Variants in DLGAP4 observed in about 807,000 individuals in gnomAD.
The protein encoded by DLGAP4 is DLG associated protein 4.
A neutral mutation model predicts 86.9 loss-of-function variants in DLGAP4; 18 were observed. That is an observed-to-expected ratio of 0.21 (90% CI 0.14 to 0.31). DLGAP4 has a LOEUF of 0.31. Ranked by LOEUF, DLGAP4 falls within the 10% of genes least tolerant of loss-of-function variation. The probability of loss-of-function intolerance (pLI) is 1.00; values close to 1 mark genes in which losing one functional copy is unlikely to be tolerated. For synonymous variants in DLGAP4, 548 were observed against 574.3 expected, an observed-to-expected ratio of 0.95 and a Z score of 0.65; for missense variants, 1,085 against 1,362.6, an observed-to-expected ratio of 0.80 and a Z score of 3.21.
intron 2 of DLGAP4, among the ~76,000 whole-genome samples, chr20:36,416,160 C>T (rs144911108): frequency 3.1e-3 from 474 of 152,232 alleles, no homozygotes; most frequent in Non-Finnish European, 5.1e-3. Context: ...CTTGCTTTGT[C>T]GCCCAGGCTG....
At chr20:36,515,616 T>C (rs767548404) in intron 10 of DLGAP4, among the ~76,000 whole-genome samples, 19 of 152,166 alleles carry the variant, frequency 1.2e-4, no homozygotes, top group Non-Finnish European at 2.2e-4. Flanking sequence ...ATAGAGATGG[T>C]CTCTCACTAT....
chr20:36,389,525 C>T (rs2031715454), intron 2 of DLGAP4, among the ~76,000 whole-genome samples: 1 of 152,178 alleles, frequency 6.6e-6, no homozygotes, highest in African/African-American at 2.4e-5. Context: ...GCACGCTAAG[C>T]ACTGTCTATA....
In DLGAP4 at chr20:36,496,696, C is replaced by T. The variant is rs1371034213; in HGVS notation, c.1649-9C>T. ...ACCTCTCCCCTGCCCTTCTCTCATC[C>T]ATCTGCAGGTTCATCATGCCTAGTG... On this transcript the variant is annotated splice_polypyrimidine_tract_variant and intron_variant, in intron 7 of 12. Transcript: ENST00000339266. The T allele has an allele frequency of 8.8e-6, 14 of 1,593,884 alleles. No individual in the cohort carries two copies. In the Admixed American group the frequency reaches 1.9e-4, roughly 21 times the overall value.
chr20:36,365,288 T>C (rs782341189), intron 1 of DLGAP4, among the ~76,000 whole-genome samples: 26 of 152,222 alleles, frequency 1.7e-4, no homozygotes, highest in Non-Finnish European at 3.4e-4. Context: ...CTGGGTGAAT[T>C]TGGCTAAAAG....
chr20:36,318,215 A>G (rs1214541918), intron 1 of DLGAP4, among the ~76,000 whole-genome samples: 2 of 151,906 alleles, frequency 1.3e-5, no homozygotes, highest in Non-Finnish European at 2.9e-5. Context: ...TGATCAGGTT[A>G]GGCAGAGTGA....
intron 2 of DLGAP4, among the ~76,000 whole-genome samples, chr20:36,420,612 C>T (rs546298921): frequency 2.0e-5 from 3 of 152,208 alleles, no homozygotes; most frequent in East Asian, 1.9e-4. Flanking sequence ...CTAAGGTGGG[C>T]GGATCACCTG....
Position 36,527,168 on chromosome 20 carries a change from C to T in DLGAP4, c.*137C>T, listed in dbSNP as rs551161193. The T allele has an allele frequency of 6.6e-6, 6 of 903,048 alleles. No homozygotes were observed. In the East Asian group the frequency reaches 1.4e-4, roughly 21 times the overall value. The allele number at this position is 903,048 out of a possible 1,614,324, so 55.9% of individuals were successfully genotyped here. A position where few individuals can be genotyped will look rare whatever the true frequency, so the allele number is the denominator to read the frequency against. On this transcript the variant is annotated 3_prime_UTR_variant, in exon 13 of 13. Coordinates refer to ENST00000339266, the MANE Select transcript of DLGAP4 (RefSeq NM_001365621.2). Reference sequence around the variant, plus strand: ...GAGCCAACTTTCAAATTGACGCATACAAGGGCTCACAATTTGGCTTTTTTG... The same window carrying T: ...GAGCCAACTTTCAAATTGACGCATATAAGGGCTCACAATTTGGCTTTTTTG...
intron 7 of DLGAP4, among the ~76,000 whole-genome samples, chr20:36,452,309 G>T (rs552558987): frequency 1.3e-5 from 2 of 151,888 alleles, no homozygotes; most frequent in Non-Finnish European, 2.9e-5. Flanking sequence ...CTCCCGAGTA[G>T]CTGAGACCAG....
chr20:36,418,420 G>A lies in DLGAP4; in HGVS notation c.-72-13226G>A, dbSNP rs370750188. ...GAGCCACCGTGCCTGGCCCATTTGGGGTTTTTGAAGGACAACCTTGGTTCC... is the reference window on the plus strand; with the variant it reads ...GAGCCACCGTGCCTGGCCCATTTGGAGTTTTTGAAGGACAACCTTGGTTCC... On this transcript the variant is annotated intron_variant, in intron 2 of 12. Transcript: ENST00000339266. Among the ~76,000 whole-genome samples the A allele has an allele frequency of 1.3e-4, 20 of 152,258 alleles. No individual in the cohort carries two copies. In the East Asian group the frequency reaches 3.5e-3, roughly 26 times the overall value.
chr20:36,443,456 C>T (rs1311771512), intron 6 of DLGAP4, among the ~76,000 whole-genome samples: 1 of 152,186 alleles, frequency 6.6e-6, no homozygotes, highest in Admixed American at 6.5e-5. Flanking sequence ...TGCAAGGTCA[C>T]ACATCCCACA....
chr20:36,427,938 C>T (rs138374930), intron 2 of DLGAP4, among the ~76,000 whole-genome samples: 18 of 151,504 alleles, frequency 1.2e-4, no homozygotes, highest in African/African-American at 3.4e-4. Context: ...AGCAAGACTC[C>T]GTGTCAAAAA....
chr20:36,317,244 TTTCTTTCTTTC>T (rs2065111354), intron 1 of DLGAP4, among the ~76,000 whole-genome samples: 1 of 53,214 alleles, frequency 1.9e-5, no homozygotes, highest in Non-Finnish European at 3.3e-5. Flanking sequence ...TCTTTCTTTC[TTTCTTTCTTTC>T]TTTCTTTCTT....
intron 1 of DLGAP4, among the ~76,000 whole-genome samples, chr20:36,337,376 G>T (rs931529513): frequency 3.3e-5 from 5 of 152,278 alleles, no homozygotes; most frequent in African/African-American, 9.6e-5. Context: ...GGCAAGGCCC[G>T]CTGGGTAGGT....
At position 36,393,949 on chromosome 20, in the gene DLGAP4, C is replaced by T. The variant is rs1459526442; in HGVS notation, c.-73+26674C>T. ...AGAATGCGCCCCAGGCCCTGCTGTA[C>T]ACACAGGGAGGTGGCCTTCACAGGG... On this transcript the variant is annotated intron_variant, in intron 2 of 12. Coordinates refer to ENST00000339266, the MANE Select transcript of DLGAP4 (RefSeq NM_001365621.2). The surrounding 1 kb of genome is among the most constrained non-coding windows in gnomAD (Gnocchi z 4.4). 2.6e-5 allele frequency among the ~76,000 whole-genome samples: 4 copies of T among 152,198 alleles called. No individual in the cohort carries two copies. The highest frequency in any genetic ancestry group is 4.4e-5 in the Non-Finnish European group (3 of 68,028).
intron 7 of DLGAP4, among the ~76,000 whole-genome samples, chr20:36,450,782 C>T (rs531705026): frequency 3.4e-4 from 52 of 152,328 alleles, no homozygotes; most frequent in African/African-American, 1.2e-3. Context: ...AGGAGAACTG[C>T]AGTTAATACT....
At chr20:36,484,103 G>C (rs1259689180) in intron 7 of DLGAP4, among the ~76,000 whole-genome samples, 1 of 152,226 alleles carries the variant, frequency 6.6e-6, no homozygotes, top group African/African-American at 2.4e-5. Context: ...TCCTGTCTGT[G>C]TAATCCTGGG....
rs1440939396 is a variant in DLGAP4 at position 36,308,006 on chromosome 20, C to T, written c.-304+1494C>T. The stretch of plus-strand genomic sequence containing the variant: ...TGCAGAGCTGGTGCCCTGGCCTGGC[C>T]GATGGGTGGCTGGAGTGTTGGAGCC... On this transcript the variant is annotated intron_variant, in intron 1 of 12. Coordinates refer to ENST00000339266, the MANE Select transcript of DLGAP4 (RefSeq NM_001365621.2). The surrounding 1 kb of genome is among the most constrained non-coding windows in gnomAD (Gnocchi z 4.5). Among the ~76,000 whole-genome samples the T allele has an allele frequency of 2.0e-5, 3 of 152,210 alleles. No homozygotes were observed. The highest frequency in any genetic ancestry group is 6.5e-5 in the Admixed American group (1 of 15,276).
chr20:36,314,304 G>A (rs1252529936), intron 1 of DLGAP4, among the ~76,000 whole-genome samples: 1 of 148,232 alleles, frequency 6.7e-6, no homozygotes, highest in African/African-American at 2.5e-5. Flanking sequence ...GCTGGCCTCG[G>A]GGTCCTTCCC....
intron 1 of DLGAP4, among the ~76,000 whole-genome samples, chr20:36,321,034 C>G (rs1339717820): frequency 2.6e-5 from 4 of 152,156 alleles, no homozygotes; most frequent in African/African-American, 9.7e-5. Flanking sequence ...GATGAAGGCC[C>G]TCAAAGGAGC....
Sources: gnomAD v4.1 joint callset for allele counts (sites outside exome capture counted in the v4.1 genomes callset) on GRCh38, gnomAD v4.1.1 for gene constraint, Gnocchi (gnomAD v3.1) non-coding constraint, MANE v1.5 for transcripts, NCBI Gene and HGNC (gene_info 2026-07-23, HGNC 2026-07-21) for gene names.